Variants in INTS8 observed in about 807,000 individuals in gnomAD.
The protein encoded by INTS8 is integrator complex subunit 8.
INTS8 carries 47 observed loss-of-function variants against 138.9 expected under a neutral mutation model. The ratio of observed to expected loss-of-function variants is 0.34; its 90% CI spans 0.27 to 0.43. The LOEUF is 0.43. Ranked by LOEUF, INTS8 falls within the 20% of genes least tolerant of loss-of-function variation. The pLI is 1.00. For missense variants in INTS8, 996 were observed against 1,173.0 expected (o/e 0.85, Z 2.20); for synonymous variants, 392 against 400.9 (o/e 0.98, Z 0.27).
chr8:94,824,461 A>G (rs1476916973), intron 1 of INTS8, among the ~76,000 whole-genome samples: 1 of 152,162 alleles, frequency 6.6e-6, no homozygotes, highest in Non-Finnish European at 1.5e-5. Context: ...ATGATCCTCT[A>G]TTTTGCATTG....
chr8:94,849,683 A>G (rs2131029606), intron 11 of INTS8, 151 bp downstream of exon 11: 2 of 616,178 alleles, frequency 3.2e-6, no homozygotes, highest in Non-Finnish European at 5.6e-6. Context: ...TCAAATTTGT[A>G]TAGCCACGTG....
intron 5 of INTS8, among the ~76,000 whole-genome samples, chr8:94,829,839 ACT>A (rs1249307830): frequency 9.9e-5 from 15 of 152,072 alleles, no homozygotes; most frequent in African/African-American, 3.1e-4. Context: ...TTTTCTAAAA[ACT>A]CTATGACAAA....
chr8:94,838,739 G>T (rs2131010474), intron 8 of INTS8, 121 bp downstream of exon 8: 1 of 661,002 alleles, frequency 1.5e-6, no homozygotes, highest in Non-Finnish European at 2.7e-6. Context: ...CTGTCATACT[G>T]GCCTGTAACA....
chr8:94,828,318 G>A (rs1380766286), intron 4 of INTS8, among the ~76,000 whole-genome samples: 1 of 152,160 alleles, frequency 6.6e-6, no homozygotes, highest in African/African-American at 2.4e-5. Context: ...TGGGATTACA[G>A]GTGTGAGCCA....
intron 6 of INTS8, among the ~76,000 whole-genome samples, chr8:94,833,051 C>A (rs1340175896): frequency 6.6e-6 from 1 of 150,892 alleles, no homozygotes; most frequent in Non-Finnish European, 1.5e-5. Context: ...TTAATATGTT[C>A]TGCGTCTTAC....
In INTS8 at chr8:94,876,112, C is replaced by CA; in HGVS notation, c.2731dup (p.Thr911AsnfsTer4). 6.2e-7 allele frequency: 1 copy of CA among 1,610,772 alleles called. No individual in the cohort carries two copies. Among genetic ancestry groups the CA allele is most frequent in the Non-Finnish European group, 8.5e-7 (1 of 1,177,358 alleles). ...GTCAGTTCCTCAGAGAAATTGACTA[C>CA]AAAACAGCGTTTAAATCTCTGCAAG... On this transcript the variant is annotated frameshift_variant, in exon 24 of 27. Coordinates refer to ENST00000523731, the MANE Select transcript of INTS8 (RefSeq NM_017864.4). LOFTEE classifies it high-confidence loss of function.
At chr8:94,870,647 A>G (rs953336022) in intron 20 of INTS8, among the ~76,000 whole-genome samples, 1 of 152,238 alleles carries the variant, frequency 6.6e-6, no homozygotes, top group African/African-American at 2.4e-5. Flanking sequence ...TCTAACTTAT[A>G]TAACTATTTA....
At chr8:94,861,005 C>G (rs566799590) in intron 16 of INTS8, among the ~76,000 whole-genome samples, 1 of 142,658 alleles carries the variant, frequency 7.0e-6, no homozygotes, top group African/African-American at 2.6e-5. Flanking sequence ...TGCAGTGAGC[C>G]GAGATGGCGC....
At chr8:94,832,800 G>A (rs570747343) in intron 6 of INTS8, among the ~76,000 whole-genome samples, 5 of 151,954 alleles carry the variant, frequency 3.3e-5, no homozygotes, top group East Asian at 1.9e-4. Flanking sequence ...GACTACAGGC[G>A]CCTGCCACCA....
chr8:94,860,773 C>T (rs960463653), intron 16 of INTS8, among the ~76,000 whole-genome samples: 2 of 149,062 alleles, frequency 1.3e-5, no homozygotes, highest in Non-Finnish European at 1.5e-5. Context: ...TCCTTTAAAT[C>T]GGCTGGGTGC....
chr8:94,848,768 A>C (rs1563653912), intron 10 of INTS8, among the ~76,000 whole-genome samples: 1 of 152,192 alleles, frequency 6.6e-6, no homozygotes, highest in Non-Finnish European at 1.5e-5. Context: ...TACTACTATG[A>C]ACATTCTATT....
At position 94,823,355 on chromosome 8, in the gene INTS8, C is replaced by A; in HGVS notation, c.-77C>A. 1 of 1,504,698 alleles carries A rather than the reference C, an allele frequency of 6.6e-7. No individual in the cohort carries two copies. Among genetic ancestry groups the A allele is most frequent in the Non-Finnish European group, 8.8e-7 (1 of 1,130,726 alleles). 93.2% of individuals were successfully genotyped at this position (1,504,698 alleles called of 1,614,324 possible). On this transcript the variant is annotated 5_prime_UTR_variant, in exon 1 of 27. Coordinates refer to ENST00000523731, the MANE Select transcript of INTS8 (RefSeq NM_017864.4). ...CCTCTCTCCCACCGGGTTCCGCATA[C>A]CCCAGGCACCGGCCCGCATCCAAGT... is the stretch of plus-strand genomic sequence containing the variant.
Position 94,873,476 on chromosome 8 carries a change from A to G in INTS8, c.2636A>G (p.Gln879Arg), listed in dbSNP as rs1442432887. The G allele has an allele frequency of 6.2e-7, 1 of 1,602,882 alleles. No homozygotes were observed. The highest frequency in any genetic ancestry group is 2.2e-5 in the East Asian group (1 of 44,834). ...GTGCCCCCTGATGTTTATACAGACC[A>G]GGTGAATTGTTTTCGTGGGCTGGCT... ...KAVPPDVYTDQVIKRMIKCCS... is the reference protein window; with the variant it reads ...KAVPPDVYTDRVIKRMIKCCS... The change falls in exon 22 of 27, where the codon CAG (glutamine) becomes CGG (arginine). Residue 879 changes from glutamine to arginine, a missense_variant and splice_region_variant. Transcript: ENST00000523731.
At chr8:94,859,938 C>A (rs1316399142) in intron 16 of INTS8, 2 of 224,494 alleles carry the variant, frequency 8.9e-6, no homozygotes, top group Non-Finnish European at 1.8e-5. Context: ...TCTAATCACA[C>A]TCTAGAACTG....
At chr8:94,877,806 C>T (rs1402572301) in intron 26 of INTS8, among the ~76,000 whole-genome samples, 1 of 152,218 alleles carries the variant, frequency 6.6e-6, no homozygotes, top group Non-Finnish European at 1.5e-5. Flanking sequence ...CTATCCTTCT[C>T]TTACTTCCTT....
In INTS8 at chr8:94,851,661, G is replaced by T; in HGVS notation, c.1616G>T (p.Arg539Leu). ...GAATTACATGGTATGACTTCAGAGC[G>T]CCAGTTCTGGACAGTGTCTAATAAG... Reference protein sequence around the residue: ...LIELHGMTSERQFWTVSNKWE... With the variant: ...LIELHGMTSELQFWTVSNKWE... Residue 539 changes from arginine (R) to leucine (L), a missense_variant, in exon 13 of 27, where the codon CGC becomes CTC. Physicochemically the swap from Arg to Leu is moderately radical, Grantham distance 102. Coordinates refer to ENST00000523731, the MANE Select transcript of INTS8 (RefSeq NM_017864.4). The T allele has an allele frequency of 6.2e-7, 1 of 1,601,084 alleles. No individual in the cohort carries two copies. The highest frequency in any genetic ancestry group is 8.5e-7 in the Non-Finnish European group (1 of 1,175,602).
intron 26 of INTS8, among the ~76,000 whole-genome samples, chr8:94,878,178 C>T (rs749742889): frequency 1.8e-4 from 28 of 152,178 alleles, no homozygotes; most frequent in Non-Finnish European, 2.8e-4. Flanking sequence ...AAAAGTCCTA[C>T]GACTGGTGCC....
intron 8 of INTS8, among the ~76,000 whole-genome samples, chr8:94,839,257 T>G (rs1725926396): frequency 6.6e-6 from 1 of 152,222 alleles, no homozygotes; most frequent in Non-Finnish European, 1.5e-5. Context: ...AGACTTTTAT[T>G]GTGCGCGCCC....
At chr8:94,878,610 T>C (rs1816656396) in intron 26 of INTS8, among the ~76,000 whole-genome samples, 1 of 152,218 alleles carries the variant, frequency 6.6e-6, no homozygotes, top group African/African-American at 2.4e-5. Flanking sequence ...TCCTATATAG[T>C]CAACCTCTCC....
Sources: allele counts gnomAD v4.1 joint callset (sites outside exome capture counted in the v4.1 genomes callset), GRCh38; gene constraint gnomAD v4.1.1; transcripts MANE v1.5; gene names NCBI Gene and HGNC (gene_info 2026-07-23, HGNC 2026-07-21).